Variants in RIPOR3 observed in about 807,000 individuals in gnomAD.
RIPOR3 encodes the protein family with sequence similarity 65 member C.
In RIPOR3, 95 loss-of-function variants were observed where a neutral mutation model predicts 114.3. The ratio of observed to expected loss-of-function variants is 0.83; its 90% confidence interval spans 0.70 to 0.99. The LOEUF (loss-of-function observed/expected upper bound fraction) is 0.99, where lower values mean the gene tolerates loss of function less well. Among genes scored for constraint, RIPOR3 ranks in the 50% least tolerant of loss-of-function variants. The probability of loss-of-function intolerance (pLI) is 0.00; values close to 1 mark genes in which losing one functional copy is unlikely to be tolerated. For synonymous variants in RIPOR3, 575 were observed against 543.8 expected, an observed-to-expected ratio of 1.06 and a Z score of -0.80; for missense variants, 1,252 against 1,266.9, an observed-to-expected ratio of 0.99 and a Z score of 0.18.
At chr20:50,613,144 C>T (rs1345002478) in intron 4 of RIPOR3, among the ~76,000 whole-genome samples, 1 of 151,912 alleles carries the variant, frequency 6.6e-6, no homozygotes, top group Non-Finnish European at 1.5e-5. Context: ...AATTAAAACT[C>T]CATTTAAGAA....
At chr20:50,610,927 G>T (rs1269143768) in intron 5 of RIPOR3, 21 bp from the exon 6 acceptor site, 1 of 1,614,182 alleles carries the variant, frequency 6.2e-7, no homozygotes, top group Admixed American at 1.7e-5. Context: ...AAAAAGGGAA[G>T]ATGTTTGCAA....
chr20:50,666,835 C>T (rs1175857528), intron 1 of RIPOR3, among the ~76,000 whole-genome samples: 4 of 152,182 alleles, frequency 2.6e-5, no homozygotes, highest in African/African-American at 9.7e-5. Flanking sequence ...GCTGGGATTA[C>T]AGGCGTGAGT....
chr20:50,598,870 G>A (rs889112794), intron 13 of RIPOR3, among the ~76,000 whole-genome samples: 44 of 147,018 alleles, frequency 3.0e-4, no homozygotes, highest in Non-Finnish European at 4.3e-4. Flanking sequence ...GCACCACTGC[G>A]CTCCAGCCTG....
intron 13 of RIPOR3, among the ~76,000 whole-genome samples, chr20:50,600,949 T>C (rs1280242413): frequency 1.3e-5 from 2 of 152,214 alleles, no homozygotes; most frequent in African/African-American, 4.8e-5. Flanking sequence ...GGAGGTGTGG[T>C]TGGCGATAAA....
intron 15 of RIPOR3, 130 bp from the exon 16 acceptor site, chr20:50,595,634 G>A (rs1356633862): frequency 2.3e-6 from 3 of 1,309,442 alleles, no homozygotes; most frequent in East Asian, 4.8e-5. Flanking sequence ...CTGTCATTTG[G>A]GGATTCCCCT....
At chr20:50,632,093 C>G (rs989381593) in intron 1 of RIPOR3, among the ~76,000 whole-genome samples, 1 of 152,160 alleles carries the variant, frequency 6.6e-6, no homozygotes, top group Non-Finnish European at 1.5e-5. Flanking sequence ...CTTCCTGTAT[C>G]GAGCCACATC....
chr20:50,601,129 T>C (rs1038799662), intron 13 of RIPOR3, among the ~76,000 whole-genome samples: 2 of 152,074 alleles, frequency 1.3e-5, no homozygotes, highest in African/African-American at 4.8e-5. Flanking sequence ...AGGTGGGAGT[T>C]GCCATTTAAA....
rs977696638 is a variant in RIPOR3, at chr20:50,619,872, C to G, written c.269+114G>C. The G allele has an allele frequency of 1.0e-4, 141 of 1,379,330 alleles. 1 individual carries two copies. Among genetic ancestry groups the G allele is most frequent in the Middle Eastern group, 5.8e-4 (3 of 5,214 alleles). 85.4% of individuals were successfully genotyped at this position (1,379,330 alleles called of 1,614,324 possible). On this transcript the variant is annotated intron_variant, in intron 3 of 21. Coordinates refer to ENST00000327979, the MANE Select transcript of RIPOR3 (RefSeq NM_001290268.2). ...TGCTTACTAAACGAATGACCAGGAA[C>G]TTAACCTGTCACCTCTTGTAGACAA...
intron 6 of RIPOR3, 92 bp downstream of exon 6, chr20:50,610,761 G>T: frequency 6.4e-7 from 1 of 1,563,926 alleles, no homozygotes; most frequent in South Asian, 1.1e-5. Flanking sequence ...TCCCTGTTTC[G>T]AGGGCACCTC....
Position 50,592,407 on chromosome 20 carries a change from C to T in RIPOR3, c.2514G>A (p.Arg838=). The change falls in exon 19 of 22, where the codon AGG becomes AGA. Residue 838 remains arginine (R), a synonymous_variant. Coordinates refer to ENST00000327979, the MANE Select transcript of RIPOR3 (RefSeq NM_001290268.2). ...WALLQLDGTP[R]VCRAASARLA... ...GGCGAGCGCTGGCCGCCCTGCACAC[C>T]CTCGGAGTGCCGTCCAGCTGGAGCA... 1 of 1,611,868 alleles carries T rather than the reference C, an allele frequency of 6.2e-7. No homozygotes were observed. The highest frequency in any genetic ancestry group is 1.1e-5 in the South Asian group (1 of 90,920).
At position 50,596,327 on chromosome 20, in the gene RIPOR3, G is replaced by T. The variant is rs765333419; in HGVS notation, c.1791-64C>A. ...CAGTTCAGCTCCCTCTGAGGGTGGG[G>T]GAACCCTCCCTTCCCAGCGAGCCCC... On this transcript the variant is annotated intron_variant, in intron 14 of 21. Coordinates refer to ENST00000327979, the MANE Select transcript of RIPOR3 (RefSeq NM_001290268.2). 428 of 1,600,536 alleles carry T rather than the reference G, an allele frequency of 2.7e-4. 1 individual carries two copies. Among genetic ancestry groups the T allele is most frequent in the Middle Eastern group, 8.3e-4 (5 of 6,014 alleles).
rs144349290 is a variant in RIPOR3, at chr20:50,608,637, C to T, written c.786G>A (p.Thr262=). The T allele has an allele frequency of 1.3e-5, 21 of 1,614,028 alleles. No homozygotes were observed. Among genetic ancestry groups the T allele is most frequent in the Middle Eastern group, 1.7e-4 (1 of 6,060 alleles). The change falls in exon 10 of 22, where the codon ACG becomes ACA. Residue 262 remains threonine, a synonymous_variant. Coordinates refer to ENST00000327979, the MANE Select transcript of RIPOR3 (RefSeq NM_001290268.2). ...WDEEEKAFIP[T]LHENLDIKVT... is the part of the protein sequence containing the mutation. ...CCTTGATGTCCAGGTTCTCATGCAG[C>T]GTGGGGATGAAGGCCTTCTCCTCTT... is the stretch of plus-strand genomic sequence containing the variant.
chr20:50,673,022 A>C (rs2086572408), intron 1 of RIPOR3, among the ~76,000 whole-genome samples: 1 of 152,270 alleles, frequency 6.6e-6, no homozygotes, highest in South Asian at 2.1e-4. Flanking sequence ...CCCAGCATTG[A>C]ATGTGCTGAG....
At chr20:50,617,111 C>A (rs1256631459) in intron 3 of RIPOR3, among the ~76,000 whole-genome samples, 1 of 151,964 alleles carries the variant, frequency 6.6e-6, no homozygotes, top group Non-Finnish European at 1.5e-5. Flanking sequence ...CACTGCACCC[C>A]ACCTGGGCAA....
intron 1 of RIPOR3, among the ~76,000 whole-genome samples, chr20:50,657,187 G>A (rs918060304): frequency 2.0e-5 from 3 of 152,212 alleles, no homozygotes; most frequent in African/African-American, 7.2e-5. Context: ...AGGAGTTCAA[G>A]ACCAGCCTTG....
At chr20:50,671,114 T>C (rs2086463590) in intron 1 of RIPOR3, among the ~76,000 whole-genome samples, 1 of 151,782 alleles carries the variant, frequency 6.6e-6, no homozygotes, top group African/African-American at 2.4e-5. Context: ...TTTTAGTTGT[T>C]TAGGATTTGT....
At chr20:50,687,313 C>T (rs981558619) in intron 1 of RIPOR3, among the ~76,000 whole-genome samples, 3 of 152,204 alleles carry the variant, frequency 2.0e-5, no homozygotes, top group African/African-American at 7.2e-5. Context: ...TCCAGTGCTT[C>T]GGGCAAGAGA....
At chr20:50,687,770 G>A (rs964763869) in intron 1 of RIPOR3, among the ~76,000 whole-genome samples, 1 of 152,084 alleles carries the variant, frequency 6.6e-6, no homozygotes, top group Non-Finnish European at 1.5e-5. Flanking sequence ...AGGCATGGTA[G>A]CGGGTGCCTG....
At position 50,689,208 on chromosome 20, in the gene RIPOR3, G is replaced by A. The variant is rs973262038; in HGVS notation, c.3+1918C>T. On this transcript the variant is annotated intron_variant, in intron 1 of 21. Coordinates refer to ENST00000327979, the MANE Select transcript of RIPOR3 (RefSeq NM_001290268.2). ...TTTTTTTTTTTTGAGACGAAGTCTC[G>A]TTCTGTTGGCCAGGCTGGAGTGCAG... Among the ~76,000 whole-genome samples the A allele has an allele frequency of 1.8e-3, 226 of 125,548 alleles. 3 individuals are homozygous for A. Among genetic ancestry groups the A allele is most frequent in the African/African-American group, 6.3e-3 (209 of 33,390 alleles). The allele number at this position is 125,548 out of a possible 152,430, so 82.4% of individuals were successfully genotyped here. A position where few individuals can be genotyped will look rare whatever the true frequency, so the allele number is the denominator to read the frequency against.
Sources: gnomAD v4.1 joint callset for allele counts (sites outside exome capture counted in the v4.1 genomes callset) on GRCh38, gnomAD v4.1.1 for gene constraint, MANE v1.5 for transcripts, NCBI Gene and HGNC (gene_info 2026-07-23, HGNC 2026-07-21) for gene names.